Variants in PTGFRN observed in about 807,000 individuals in gnomAD.
PTGFRN encodes prostaglandin F2 receptor inhibitor.
A neutral mutation model predicts 83.2 loss-of-function variants in PTGFRN; 35 were observed. The ratio of observed to expected loss-of-function variants is 0.42; its 90% CI spans 0.32 to 0.56. The LOEUF is 0.56. Among genes scored for constraint, PTGFRN ranks in the 20% least tolerant of loss-of-function variants. PTGFRN has a pLI of 0.11. For missense variants in PTGFRN, 1,051 were observed against 1,179.5 expected, an observed-to-expected ratio of 0.89 and a Z score of 1.60; for synonymous variants, 519 against 498.6, an observed-to-expected ratio of 1.04 and a Z score of -0.55.
Position 116,958,349 on chromosome 1 carries a change from A to G in PTGFRN, c.1214-2894A>G, listed in dbSNP as rs1384420939. 6.6e-6 allele frequency among the ~76,000 whole-genome samples: 1 copy of G among 152,162 alleles called. No homozygotes were observed. The highest frequency in any genetic ancestry group is 1.9e-4 in the East Asian group (1 of 5,194). On this transcript the variant is annotated intron_variant, in intron 4 of 8. Transcript: ENST00000393203. This position sits in a 1 kb window ranked among gnomAD's most constrained non-coding sequence, Gnocchi z 4.9. ...ACTGCACTCAGCGTTCCTAAAAATC[A>G]TGTGTCAGTCAGTGGAACTTAGAAA...
chr1:116,976,427 T>G (rs967262261), intron 7 of PTGFRN, among the ~76,000 whole-genome samples: 1 of 152,152 alleles, frequency 6.6e-6, no homozygotes, highest in African/African-American at 2.4e-5. Context: ...ACTGTCAGAT[T>G]CACCAAAGTT....
At chr1:116,974,810 C>T (rs558017565) in intron 7 of PTGFRN, among the ~76,000 whole-genome samples, 6 of 152,242 alleles carry the variant, frequency 3.9e-5, no homozygotes, top group South Asian at 4.1e-4. Context: ...ATGCAGAAGA[C>T]GGGTGATTTC....
intron 1 of PTGFRN, among the ~76,000 whole-genome samples, chr1:116,922,376 G>A (rs1364630343): frequency 6.6e-6 from 1 of 152,104 alleles, no homozygotes; most frequent in Non-Finnish European, 1.5e-5. Flanking sequence ...AATTTTAGTT[G>A]GTTTTCTATG....
At chr1:116,977,240 A>G (rs1192065548) in intron 7 of PTGFRN, among the ~76,000 whole-genome samples, 1 of 152,220 alleles carries the variant, frequency 6.6e-6, no homozygotes, top group Non-Finnish European at 1.5e-5. Flanking sequence ...TTAGAGACCT[A>G]CAAACAGACT....
At chr1:116,942,193 TCTGTCCAGGGGAATAATCATGTCTTAAA>T in intron 2 of PTGFRN, 110 bp downstream of exon 2, 2 of 1,352,308 alleles carry the variant, frequency 1.5e-6, no homozygotes, top group Non-Finnish European at 2.0e-6. Flanking sequence ...TGCTCCCTCC[TCTGTCCAGGGGAATAATCATGTCTTAAA>T]TAATCATGTC....
chr1:116,913,792 C>T (rs756322283), intron 1 of PTGFRN, among the ~76,000 whole-genome samples: 17 of 152,070 alleles, frequency 1.1e-4, no homozygotes, highest in African/African-American at 2.9e-4. Flanking sequence ...GTTTGTAGGG[C>T]GAGATTAACA....
chr1:116,930,907 C>G (rs1023292271), intron 1 of PTGFRN, among the ~76,000 whole-genome samples: 10 of 152,200 alleles, frequency 6.6e-5, no homozygotes, highest in African/African-American at 2.4e-4. Context: ...TAAACCTCCC[C>G]CTCATCCAAC....
intron 4 of PTGFRN, among the ~76,000 whole-genome samples, chr1:116,957,748 C>G (rs577957450): frequency 1.3e-5 from 2 of 152,104 alleles, no homozygotes; most frequent in African/African-American, 4.8e-5. Context: ...TGAAATTTTG[C>G]GTCCTTTGCC....
At chr1:116,956,365 A>G (rs951856775) in intron 4 of PTGFRN, among the ~76,000 whole-genome samples, 4 of 152,248 alleles carry the variant, frequency 2.6e-5, no homozygotes, top group African/African-American at 9.6e-5. Context: ...TTTCCTTCCA[A>G]GCTGGAATTC....
At chr1:116,978,316 C>T (rs1651215779) in intron 7 of PTGFRN, among the ~76,000 whole-genome samples, 2 of 152,264 alleles carry the variant, frequency 1.3e-5, no homozygotes, top group South Asian at 4.1e-4. Context: ...GGTACCATTC[C>T]TTCTGAAAGT....
intron 7 of PTGFRN, among the ~76,000 whole-genome samples, chr1:116,978,417 A>C (rs1230114126): frequency 1.3e-5 from 2 of 152,100 alleles, no homozygotes; most frequent in South Asian, 4.1e-4. Context: ...GAGACACAAC[A>C]AAAAAAGAGA....
chr1:116,961,693 A>G lies in PTGFRN; in HGVS notation c.1639+25A>G, dbSNP rs1484451394. ...GGTAGGAACTTTTTTCTTGTTATTCATTTTTGTTTTGTCTTTGCTTAAGTC... is the reference window on the plus strand; with the variant it reads ...GGTAGGAACTTTTTTCTTGTTATTCGTTTTTGTTTTGTCTTTGCTTAAGTC... On this transcript the variant is annotated intron_variant, in intron 5 of 8. Transcript: ENST00000393203. The surrounding 1 kb of genome is among the most constrained non-coding windows in gnomAD (Gnocchi z 5.4). 8.8e-6 allele frequency: 14 copies of G among 1,585,228 alleles called. No homozygotes were observed. The Admixed American group carries it at 2.3e-4, about 26-fold the overall frequency.
At chr1:116,945,998 G>C (rs1219040668) in intron 3 of PTGFRN, among the ~76,000 whole-genome samples, 1 of 152,108 alleles carries the variant, frequency 6.6e-6, no homozygotes, top group African/African-American at 2.4e-5. Context: ...GACCAAGGAA[G>C]GGCAATGTCA....
At chr1:116,921,350 C>T (rs1649531958) in intron 1 of PTGFRN, among the ~76,000 whole-genome samples, 1 of 152,232 alleles carries the variant, frequency 6.6e-6, no homozygotes, top group Non-Finnish European at 1.5e-5. Context: ...AAAAAACACA[C>T]ACATTTTTGG....
Position 116,944,568 on chromosome 1 carries a change from C to A in PTGFRN, c.419-111C>A, listed in dbSNP as rs371641694. 2.4e-5 allele frequency: 27 copies of A among 1,126,954 alleles called. No homozygotes were observed. In the East Asian group the frequency reaches 3.0e-4, roughly 12 times the overall value. 69.8% of individuals were successfully genotyped at this position (1,126,954 alleles called of 1,614,324 possible). Reference sequence around the variant, plus strand: ...GTTGGGAAAACGTGCCCATCCGGGTCTTGGAATGGGAAAGGGAGGAGGAAA... The same window carrying A: ...GTTGGGAAAACGTGCCCATCCGGGTATTGGAATGGGAAAGGGAGGAGGAAA... On this transcript the variant is annotated intron_variant, in intron 2 of 8. Coordinates refer to ENST00000393203, the MANE Select transcript of PTGFRN (RefSeq NM_020440.4).
chr1:116,925,959 A>C (rs1448401722), intron 1 of PTGFRN, among the ~76,000 whole-genome samples: 4 of 152,238 alleles, frequency 2.6e-5, no homozygotes, highest in African/African-American at 4.8e-5. Flanking sequence ...TGCAAGCCAA[A>C]CTGTTAAACA....
chr1:116,981,859 GTTGA>G lies in PTGFRN; in HGVS notation c.2168-2816_2168-2813del, dbSNP rs747428033. Among the ~76,000 whole-genome samples the G allele has an allele frequency of 1.1e-4, 17 of 152,356 alleles. No individual in the cohort carries two copies. The East Asian group carries it at 2.7e-3, about 24-fold the overall frequency. On this transcript the variant is annotated intron_variant, in intron 7 of 8. Coordinates refer to ENST00000393203, the MANE Select transcript of PTGFRN (RefSeq NM_020440.4). ...CTGTAATTTACTGACCCCTGGACTA[GTTGA>G]TTGAACCAAAATTGGCTCCAGTAGG... is the stretch of plus-strand genomic sequence containing the variant.
rs893195498 is a variant in PTGFRN at position 116,928,992 on chromosome 1, A to G, written c.50-12723A>G. 3.3e-5 allele frequency among the ~76,000 whole-genome samples: 5 copies of G among 152,236 alleles called. No homozygotes were observed. The South Asian group carries it at 1.0e-3, about 32-fold the overall frequency. On this transcript the variant is annotated intron_variant, in intron 1 of 8. Coordinates refer to ENST00000393203, the MANE Select transcript of PTGFRN (RefSeq NM_020440.4). ...TCCCCACTGAGCTCCAGACTTAAAC[A>G]TCCAGCTGCCTACTCCACTGCACTT...
intron 4 of PTGFRN, among the ~76,000 whole-genome samples, chr1:116,954,186 C>T (rs1178952646): frequency 2.6e-5 from 4 of 152,024 alleles, no homozygotes; most frequent in African/African-American, 9.7e-5. Flanking sequence ...GGGTGCAGGG[C>T]ATAGATGTTG....
Sources: allele counts gnomAD v4.1 joint callset (sites outside exome capture counted in the v4.1 genomes callset), GRCh38; gene constraint gnomAD v4.1.1; non-coding constraint Gnocchi (gnomAD v3.1); transcripts MANE v1.5; gene names NCBI Gene and HGNC (gene_info 2026-07-23, HGNC 2026-07-21).